The following COL4A4 variants were observed in gnomAD, a reference collection of about 807,000 sequenced individuals.
COL4A4 encodes the protein collagen type IV alpha 4 chain.
Under a neutral mutation model 192.9 loss-of-function variants are expected in COL4A4, and 105 were observed. The ratio of observed to expected loss-of-function variants is 0.54; its 90% confidence interval spans 0.46 to 0.64. COL4A4 has a LOEUF of 0.64. Ranked by LOEUF, COL4A4 falls within the 30% of genes least tolerant of loss-of-function variation. The pLI, the probability that COL4A4 is intolerant of heterozygous loss-of-function variation, is 0.00. For synonymous variants in COL4A4, 762 were observed against 769.9 expected (o/e 0.99, Z 0.17); for missense variants, 1,967 against 2,169.3 (o/e 0.91, Z 1.85).
chr2:227,125,881 C>G (rs1354061933), intron 4 of COL4A4, among the ~76,000 whole-genome samples: 1 of 152,158 alleles, frequency 6.6e-6, no homozygotes, highest in Non-Finnish European at 1.5e-5. Context: ...CACAGCCACC[C>G]AACCTCTGCT....
At chr2:227,101,355 CTAATG>C in intron 17 of COL4A4, 144 bp downstream of exon 17, 1 of 689,238 alleles carries the variant, frequency 1.5e-6, no homozygotes, top group Non-Finnish European at 2.4e-6. Flanking sequence ...GAAAAACAGA[CTAATG>C]TAACAATTGA....
chr2:227,013,334 AC>A (rs1964210376), intron 44 of COL4A4, among the ~76,000 whole-genome samples: 1 of 151,836 alleles, frequency 6.6e-6, no homozygotes, highest in African/African-American at 2.4e-5. Context: ...TGATTTGTGT[AC>A]CCCCAAATTT....
At chr2:227,090,299 C>A (rs917200214) in intron 20 of COL4A4, among the ~76,000 whole-genome samples, 1 of 152,090 alleles carries the variant, frequency 6.6e-6, no homozygotes, top group Non-Finnish European at 1.5e-5. Context: ...CAAAGATATT[C>A]CCCCACTCAG....
At chr2:227,098,858 C>T (rs914142255) in intron 18 of COL4A4, 60 bp from the exon 19 acceptor site, 2 of 1,376,592 alleles carry the variant, frequency 1.5e-6, no homozygotes, top group Admixed American at 1.7e-5. Flanking sequence ...AAAATTAAGA[C>T]AACAATTACT....
chr2:227,092,085 T>C (rs2059972836), intron 20 of COL4A4, among the ~76,000 whole-genome samples: 1 of 151,958 alleles, frequency 6.6e-6, no homozygotes, highest in Non-Finnish European at 1.5e-5. Flanking sequence ...AGAGCTCCTA[T>C]GAGCTTCCAG....
chr2:227,129,860 ATT>A lies in COL4A4; in HGVS notation c.193-8714_193-8713del, dbSNP rs2062325222. Among the ~76,000 whole-genome samples, 6 of 152,332 alleles carry A rather than the reference ATT, an allele frequency of 3.9e-5. 1 individual carries two copies. The South Asian group carries it at 1.0e-3, about 26-fold the overall frequency. The stretch of plus-strand genomic sequence containing the variant: ...CCACAATTAAAATGAACAAATAAAT[ATT>A]CTTTTAAATATATTCATCCTTTTTA... On this transcript the variant is annotated intron_variant, in intron 4 of 47. Transcript: ENST00000396625.
chr2:226,995,390 C>T, the COL4A4 span: 14 of 1,303,578 alleles, frequency 1.1e-5, no homozygotes, highest in African/African-American at 7.3e-5. Context: ...TGCCTTGTCA[C>T]GTCAGAATGA....
downstream of COL4A4, among the ~76,000 whole-genome samples, chr2:226,999,565 A>G (rs1312694857): frequency 1.3e-5 from 2 of 152,224 alleles, no homozygotes; most frequent in African/African-American, 4.8e-5. Context: ...AGGGGCAGAG[A>G]GAGAATGATC....
chr2:227,160,209 TG>T (rs2064709560), intron 1 of COL4A4, among the ~76,000 whole-genome samples: 1 of 152,238 alleles, frequency 6.6e-6, no homozygotes, highest in Non-Finnish European at 1.5e-5. Context: ...CCAAGAAATG[TG>T]AAATCAGTTG....
intron 7 of COL4A4, among the ~76,000 whole-genome samples, chr2:227,116,240 T>A (rs113924264): frequency 0.036 from 5,557 of 152,324 alleles, 337 homozygotes; most frequent in African/African-American, 0.13. Flanking sequence ...TGATCTGGTG[T>A]GTTTCAGTTC....
At chr2:227,039,366 G>A (rs766123384) in intron 37 of COL4A4, among the ~76,000 whole-genome samples, 2 of 151,960 alleles carry the variant, frequency 1.3e-5, no homozygotes, top group African/African-American at 2.4e-5. Flanking sequence ...ATGGGGTTTC[G>A]CTATATGTTG....
intron 38 of COL4A4, among the ~76,000 whole-genome samples, chr2:227,032,902 G>A (rs1334100928): frequency 6.6e-6 from 1 of 152,188 alleles, no homozygotes; most frequent in Non-Finnish European, 1.5e-5. Flanking sequence ...CGCAACAAAT[G>A]TGCATTATAC....
rs1484937864 is a variant in COL4A4 at position 227,118,758 on chromosome 2, G to A, written c.376C>T (p.His126Tyr). The change falls in exon 7 of 48, where the codon CAC (histidine) becomes TAC (tyrosine). Residue 126 changes from histidine to tyrosine, a missense_variant. Coordinates refer to ENST00000396625, the MANE Select transcript of COL4A4 (RefSeq NM_000092.5). ...GFPGLDGIPG[H>Y]PGPPGPRGKP... ...CCTCTGGGTCCAGGAGGCCCTGGGT[G>A]CCCCTGCAGAAAACAAAATTATAAG... 6.2e-6 allele frequency: 10 copies of A among 1,611,398 alleles called. No homozygotes were observed. Among genetic ancestry groups the A allele is most frequent in the Middle Eastern group, 3.3e-4 (2 of 6,064 alleles).
At position 227,010,344 on chromosome 2, in the gene COL4A4, T is replaced by C; in HGVS notation, c.4491A>G (p.Glu1497=). ...LWTGYSLLYL[E]GQEKAHNQDL... ...CTTGATTGTGAGCTTTCTCTTGCCC[T>C]TCCAGGTATAACAGACTATACCCAG... is the stretch of plus-strand genomic sequence containing the variant. Residue 1497 remains glutamate (E), a synonymous_variant, in exon 46 of 48, where the codon GAA becomes GAG. Coordinates refer to ENST00000396625, the MANE Select transcript of COL4A4 (RefSeq NM_000092.5). The C allele has an allele frequency of 6.2e-7, 1 of 1,614,270 alleles. No individual in the cohort carries two copies. Among genetic ancestry groups the C allele is most frequent in the Non-Finnish European group, 8.5e-7 (1 of 1,180,050 alleles).
At chr2:227,091,517 G>A (rs1052042336) in intron 20 of COL4A4, among the ~76,000 whole-genome samples, 7 of 151,744 alleles carry the variant, frequency 4.6e-5, no homozygotes, top group Non-Finnish European at 8.8e-5. Flanking sequence ...AGGAGACAAC[G>A]TTTTCAAAGG....
chr2:226,982,907 AC>A, the COL4A4 span, among the ~76,000 whole-genome samples: 2 of 152,160 alleles, frequency 1.3e-5, no homozygotes, highest in Non-Finnish European at 2.9e-5. Flanking sequence ...ATTTTAACTA[AC>A]GATTGTATTT....
At chr2:227,092,222 A>G (rs1239441455) in intron 20 of COL4A4, among the ~76,000 whole-genome samples, 2 of 152,224 alleles carry the variant, frequency 1.3e-5, no homozygotes, top group Non-Finnish European at 2.9e-5. Flanking sequence ...AGATTTCCTA[A>G]CTAAAATTTT....
intron 45 of COL4A4, among the ~76,000 whole-genome samples, chr2:227,011,408 T>A (rs1157089857): frequency 6.6e-6 from 1 of 152,050 alleles, no homozygotes; most frequent in East Asian, 1.9e-4. Flanking sequence ...GAGTGTAGAG[T>A]GTAGGCCCAC....
Position 227,094,278 on chromosome 2 carries a change from G to C in COL4A4, c.1216C>G (p.Pro406Ala). The C allele has an allele frequency of 6.2e-7, 1 of 1,613,660 alleles. No homozygotes were observed. The highest frequency in any genetic ancestry group is 1.7e-5 in the Admixed American group (1 of 59,988). The change falls in exon 20 of 48, where the codon CCC becomes GCC. Residue 406 changes from proline to alanine, a missense_variant. By Grantham distance (27) the Pro-to-Ala change is conservative. Coordinates refer to ENST00000396625, the MANE Select transcript of COL4A4 (RefSeq NM_000092.5). ...PGEACAGMIGPPGPQGFPGLP... is the reference protein window; with the variant it reads ...PGEACAGMIGAPGPQGFPGLP... ...CCAGGAAATCCTTGTGGCCCAGGGG[G>C]TCCTATCATGCCTGCAAGATAAATC...
Sources: gnomAD v4.1 joint callset for allele counts (sites outside exome capture counted in the v4.1 genomes callset) on GRCh38, gnomAD v4.1.1 for gene constraint, MANE v1.5 for transcripts, NCBI Gene and HGNC (gene_info 2026-07-23, HGNC 2026-07-21) for gene names.